MTARC1: variants seen among roughly 807,000 people sequenced by gnomAD.
MTARC1 encodes the protein mitochondrial amidoxime-reducing component 1.
Under a neutral mutation model 33.6 loss-of-function variants are expected in MTARC1, and 24 were observed. The ratio of observed to expected loss-of-function variants is 0.72; its 90% CI spans 0.52 to 1.01. MTARC1 has a LOEUF of 1.01. MTARC1 is among the 50% of genes least tolerant of loss of function. The pLI, the probability that MTARC1 is intolerant of heterozygous loss-of-function variation, is 0.00. For missense variants in MTARC1, 417 were observed against 445.7 expected, an observed-to-expected ratio of 0.94 and a Z score of 0.58; for synonymous variants, 187 against 189.5, an observed-to-expected ratio of 0.99 and a Z score of 0.11.
chr1:220,808,096 T>G (rs2642417), intron 6 of MTARC1, among the ~76,000 whole-genome samples: 1 of 152,104 alleles, frequency 6.6e-6, no homozygotes, highest in African/African-American at 2.4e-5. Context: ...CTCTTCCCCC[T>G]GTGTGTTGCT....
intron 1 of MTARC1, among the ~76,000 whole-genome samples, chr1:220,788,729 C>A (rs1672318747): frequency 6.6e-6 from 1 of 150,766 alleles, no homozygotes; most frequent in Non-Finnish European, 1.5e-5. Flanking sequence ...GCGGAGCTTG[C>A]AGAGCTCCAC....
At position 220,816,755 on chromosome 1, in the gene MTARC1, C is replaced by T. The variant is rs1475711576; in HGVS notation, c.*3337C>T. ...AGTGAAGGAGACCTATCTTGGGACA[C>T]TTCCCCTTGTCCTCTCCCTTGCCCC... On this transcript the variant is annotated 3_prime_UTR_variant, in exon 7 of 7. Transcript: ENST00000366910. 1 of 152,310 alleles carries T rather than the reference C, an allele frequency of 6.6e-6. No homozygotes were observed. The highest frequency in any genetic ancestry group is 1.5e-5 in the Non-Finnish European group (1 of 68,146). The allele number at this position is 152,310 out of a possible 1,614,324, so 9.4% of individuals were successfully genotyped here.
Position 220,815,404 on chromosome 1 carries a change from G to A in MTARC1, c.*1986G>A, listed in dbSNP as rs541649646. ...ACAGCCACTTCTCTGTGCCCCGTCC[G>A]GGCAGTAACCATCATTCTCCATGGA... On this transcript the variant is annotated 3_prime_UTR_variant, in exon 7 of 7. Transcript: ENST00000366910. 3.9e-5 allele frequency: 6 copies of A among 152,244 alleles called. No homozygotes were observed. In the East Asian group the frequency reaches 1.2e-3, roughly 29 times the overall value. The allele number at this position is 152,244 out of a possible 1,614,324, so 9.4% of individuals were successfully genotyped here. A position where few individuals can be genotyped will look rare whatever the true frequency, so the allele number is the denominator to read the frequency against.
intron 2 of MTARC1, 77 bp downstream of exon 2, chr1:220,791,741 A>T: frequency 6.8e-7 from 1 of 1,480,934 alleles, no homozygotes. Context: ...CTCTAGAGGG[A>T]ATGCTGAGAA....
chr1:220,811,026 G>C (rs1332888298), intron 6 of MTARC1, among the ~76,000 whole-genome samples: 1 of 152,244 alleles, frequency 6.6e-6, no homozygotes, highest in Non-Finnish European at 1.5e-5. Context: ...GTGATGCGCA[G>C]AACTCCAACT....
Position 220,792,821 on chromosome 1 carries a change from G to A in MTARC1, c.449+1157G>A, listed in dbSNP as rs1209429955. 6.6e-5 allele frequency among the ~76,000 whole-genome samples: 10 copies of A among 151,728 alleles called. No homozygotes were observed. The East Asian group carries it at 1.7e-3, about 26-fold the overall frequency. On this transcript the variant is annotated intron_variant, in intron 2 of 6. Coordinates refer to ENST00000366910, the MANE Select transcript of MTARC1 (RefSeq NM_022746.4). ...GATATGTTGAGTATTTTTTCATATT[G>A]TTAAAAAATCTTTAAGGATACCATT...
chr1:220,810,606 G>A lies in MTARC1; in HGVS notation c.888-2686G>A, dbSNP rs535492274. Among the ~76,000 whole-genome samples, 3 of 152,372 alleles carry A rather than the reference G, an allele frequency of 2.0e-5. No individual in the cohort carries two copies. The South Asian group carries it at 6.2e-4, about 32-fold the overall frequency. On this transcript the variant is annotated intron_variant, in intron 6 of 6. Coordinates refer to ENST00000366910, the MANE Select transcript of MTARC1 (RefSeq NM_022746.4). ...CTGTGCAGTTTAGGGAGGCTGTGCC[G>A]AGAGGGGCAGCCGCTCTTTACGGTC...
Position 220,815,449 on chromosome 1 carries a change from G to A in MTARC1, c.*2031G>A, listed in dbSNP as rs1673262024. On this transcript the variant is annotated 3_prime_UTR_variant, in exon 7 of 7. Coordinates refer to ENST00000366910, the MANE Select transcript of MTARC1 (RefSeq NM_022746.4). ...CATGGACAGGCTCTCGGGGTAGCTA[G>A]CTCTGCAGGGCAGCACCCACGTGGA... 1 of 152,264 alleles carries A rather than the reference G, an allele frequency of 6.6e-6. No individual in the cohort carries two copies. Among genetic ancestry groups the A allele is most frequent in the Admixed American group, 6.5e-5 (1 of 15,288 alleles). 9.4% of individuals were successfully genotyped at this position (152,264 alleles called of 1,614,324 possible).
intron 3 of MTARC1, among the ~76,000 whole-genome samples, chr1:220,797,274 C>T (rs989534529): frequency 2.6e-5 from 4 of 152,004 alleles, no homozygotes; most frequent in African/African-American, 9.7e-5. Context: ...ACTGCTTTTA[C>T]CATGGCCATA....
At chr1:220,802,879 C>T (rs775701655) in intron 4 of MTARC1, among the ~76,000 whole-genome samples, 1 of 152,292 alleles carries the variant, frequency 6.6e-6, no homozygotes, top group Admixed American at 6.5e-5. Flanking sequence ...AGCTGATCAG[C>T]GTGATCTCTC....
In MTARC1 at chr1:220,818,482, A is replaced by T. The variant is rs948062967; in HGVS notation, c.*5064A>T. The T allele has an allele frequency of 6.6e-6, 1 of 152,186 alleles. No homozygotes were observed. Among genetic ancestry groups the T allele is most frequent in the Non-Finnish European group, 1.5e-5 (1 of 68,044 alleles). The allele number at this position is 152,186 out of a possible 1,614,324, so 9.4% of individuals were successfully genotyped here. A position where few individuals can be genotyped will look rare whatever the true frequency, so the allele number is the denominator to read the frequency against. The stretch of plus-strand genomic sequence containing the variant: ...GGTTATTTGTTGGCCAGTCTAGTGC[A>T]TTCACCCTTGCTGGTCCTCAGTCAT... On this transcript the variant is annotated 3_prime_UTR_variant, in exon 7 of 7. Coordinates refer to ENST00000366910, the MANE Select transcript of MTARC1 (RefSeq NM_022746.4).
At chr1:220,803,299 G>A (rs1190375197) in intron 4 of MTARC1, among the ~76,000 whole-genome samples, 16 of 152,080 alleles carry the variant, frequency 1.1e-4, no homozygotes, top group Admixed American at 3.3e-4. Context: ...GGAAAGACCC[G>A]CCCCCATGAT....
chr1:220,811,441 T>G (rs1459416109), intron 6 of MTARC1, among the ~76,000 whole-genome samples: 1 of 152,226 alleles, frequency 6.6e-6, no homozygotes, highest in Non-Finnish European at 1.5e-5. Context: ...GTGGACACAG[T>G]GCTGCCTACA....
At chr1:220,795,804 A>C (rs72470598) in intron 2 of MTARC1, among the ~76,000 whole-genome samples, 2,084 of 152,322 alleles carry the variant, frequency 0.014, 31 homozygotes, top group South Asian at 0.023. Flanking sequence ...TTGTTAAAAG[A>C]GGAGATTATC....
At chr1:220,796,455 G>T (rs143453053) in intron 2 of MTARC1, among the ~76,000 whole-genome samples, 188 bp from the exon 3 acceptor site, 9 of 152,186 alleles carry the variant, frequency 5.9e-5, no homozygotes, top group Non-Finnish European at 1.5e-5. Context: ...GCTTAAAGGG[G>T]TGCTTTCATT....
At position 220,787,065 on chromosome 1, in the gene MTARC1, C is replaced by A; in HGVS notation, c.121C>A (p.Arg41Ser). ...TAVALGAVAW[R>S]RAWPTRRRRL... ...GGTGGCGCTGGGGGCTGTCGCCTGG[C>A]GCCGCGCATGGCCCACGCGGCGCCG... Residue 41 changes from arginine (R) to serine (S), a missense_variant, in exon 1 of 7, where the codon CGC (arginine) becomes AGC (serine). Arg to Ser is a moderately radical substitution (Grantham distance 110). Coordinates refer to ENST00000366910, the MANE Select transcript of MTARC1 (RefSeq NM_022746.4). 1.4e-6 allele frequency: 2 copies of A among 1,439,648 alleles called. No homozygotes were observed. The highest frequency in any genetic ancestry group is 1.8e-6 in the Non-Finnish European group (2 of 1,105,864). 89.2% of individuals were successfully genotyped at this position (1,439,648 alleles called of 1,614,324 possible). A position where few individuals can be genotyped will look rare whatever the true frequency, so the allele number is the denominator to read the frequency against.
chr1:220,813,813 A>G lies in MTARC1; in HGVS notation c.*395A>G, dbSNP rs2807840. ...GGAAGAGTGGGTGGGCTGGAAGAATATCCTAGAATGTGTTATTGCCCCTGT... is the reference window on the plus strand; with the variant it reads ...GGAAGAGTGGGTGGGCTGGAAGAATGTCCTAGAATGTGTTATTGCCCCTGT... On this transcript the variant is annotated 3_prime_UTR_variant, in exon 7 of 7. Transcript: ENST00000366910. 0.84 allele frequency: 159,346 copies of G among 189,552 alleles called. 67,247 individuals are homozygous for G. Among genetic ancestry groups the G allele is most frequent in the Non-Finnish European group, 0.87 (77,451 of 89,366 alleles). The allele number at this position is 189,552 out of a possible 1,614,324, so 11.7% of individuals were successfully genotyped here. A position where few individuals can be genotyped will look rare whatever the true frequency, so the allele number is the denominator to read the frequency against.
At chr1:220,797,775 G>GT (rs1216153587) in intron 3 of MTARC1, 99 bp from the exon 4 acceptor site, 88 of 1,077,424 alleles carry the variant, frequency 8.2e-5, no homozygotes, top group Non-Finnish European at 1.1e-4. Context: ...TGTGTGTGGG[G>GT]TGGGGTGGAG....
chr1:220,793,233 T>A (rs948005688), intron 2 of MTARC1: 3 of 152,250 alleles, frequency 2.0e-5, no homozygotes, highest in Non-Finnish European at 4.4e-5. Context: ...TATATTGCAA[T>A]CTGTATTTCA....
Sources: allele counts gnomAD v4.1 joint callset (sites outside exome capture counted in the v4.1 genomes callset), GRCh38; gene constraint gnomAD v4.1.1; transcripts MANE v1.5; gene names NCBI Gene and HGNC (gene_info 2026-07-23, HGNC 2026-07-21).